Variants in USP32 observed in about 807,000 individuals in gnomAD.
The protein encoded by USP32 is ubiquitin specific peptidase 32, also known as ubiquitin carboxyl-terminal hydrolase 32.
Under a neutral mutation model 204.8 loss-of-function variants are expected in USP32, and 59 were observed. The ratio of observed to expected loss-of-function variants is 0.29; its 90% CI spans 0.23 to 0.36. The LOEUF is 0.36. Among genes scored for constraint, USP32 ranks in the 10% least tolerant of loss-of-function variants. The pLI, the probability that USP32 is intolerant of heterozygous loss-of-function variation, is 1.00. For missense variants in USP32, 1,160 were observed against 1,946.4 expected (o/e 0.60, Z 7.60); for synonymous variants, 517 against 678.4 (o/e 0.76, Z 3.70).
In USP32 at chr17:60,342,874, G is replaced by A. The variant is rs990665338; in HGVS notation, c.186+2607C>T. Among the ~76,000 whole-genome samples the A allele has an allele frequency of 1.4e-4, 21 of 152,308 alleles. No individual in the cohort carries two copies. In the South Asian group the frequency reaches 3.3e-3, roughly 24 times the overall value. On this transcript the variant is annotated intron_variant, in intron 2 of 33. Transcript: ENST00000300896. ...AAAGGGAAATCCCCTAACCCCTTGCGCTTCCTGGGTGAGGCAACGCCCCAC... is the reference window on the plus strand; with the variant it reads ...AAAGGGAAATCCCCTAACCCCTTGCACTTCCTGGGTGAGGCAACGCCCCAC...
chr17:60,209,534 C>T lies in USP32; in HGVS notation c.2434G>A (p.Ala812Thr). ...VAPLKLRWTI[A>T]KYAPRFNGFQ... ...CCATTAAACCTGGGAGCATATTTTG[C>T]TATGGTCCACTATAAATATAAGAGA... The change falls in exon 22 of 34, where the codon GCA becomes ACA. Residue 812 changes from alanine (A) to threonine (T), a missense_variant. Transcript: ENST00000300896. 2 of 1,582,292 alleles carry T rather than the reference C, an allele frequency of 1.3e-6. No homozygotes were observed. Among genetic ancestry groups the T allele is most frequent in the Non-Finnish European group, 8.5e-7 (1 of 1,171,284 alleles).
upstream of USP32, chr17:60,392,357 G>A (rs1036857019): frequency 7.4e-5 from 20 of 270,632 alleles, no homozygotes; most frequent in Admixed American, 1.1e-4. Flanking sequence ...GGAGCGCCGG[G>A]GAGGGGGACG....
chr17:60,310,830 G>A (rs2145917142), intron 2 of USP32, among the ~76,000 whole-genome samples: 1 of 152,212 alleles, frequency 6.6e-6, no homozygotes, highest in East Asian at 1.9e-4. Flanking sequence ...GAGCTCAAGA[G>A]TTTGAAACCA....
chr17:60,234,523 T>C (rs2085665828), intron 12 of USP32, among the ~76,000 whole-genome samples: 1 of 150,884 alleles, frequency 6.6e-6, no homozygotes, highest in South Asian at 2.1e-4. Flanking sequence ...GTCAGGAGAT[T>C]GAGACCATCC....
Position 60,222,438 on chromosome 17 carries a change from A to G in USP32, c.1720T>C (p.Tyr574His). ...CTAGGTAAGGCCAGGTTTGCTCCAT[A>G]CCAGTGATAAAGTGCTCTCCACACA... ...EPVWRALYHW[Y>H]GANLALPRPV... The change falls in exon 15 of 34, where the codon TAT (tyrosine) becomes CAT (histidine). Residue 574 changes from tyrosine to histidine, a missense_variant. By Grantham distance (83) the Tyr-to-His change is moderately conservative (BLOSUM62 2). This residue lies in a region of USP32 where 536 missense variants were observed against 680.9 expected (regional missense o/e 0.79). Transcript: ENST00000300896. 6.2e-7 allele frequency: 1 copy of G among 1,613,994 alleles called. No homozygotes were observed. Among genetic ancestry groups the G allele is most frequent in the Non-Finnish European group, 8.5e-7 (1 of 1,179,972 alleles).
chr17:60,203,902 C>T (rs756838028), intron 26 of USP32, among the ~76,000 whole-genome samples: 3 of 152,070 alleles, frequency 2.0e-5, no homozygotes, highest in Non-Finnish European at 4.4e-5. Context: ...AATTAAGACA[C>T]TAAAGTCCAA....
At chr17:60,387,207 T>C (rs1308497985) in intron 1 of USP32, among the ~76,000 whole-genome samples, 1 of 152,196 alleles carries the variant, frequency 6.6e-6, no homozygotes, top group Non-Finnish European at 1.5e-5. Context: ...TCTAACGAAA[T>C]TTTAAGATTA....
At chr17:60,284,258 G>C (rs1278015302) in intron 5 of USP32, among the ~76,000 whole-genome samples, 2 of 148,144 alleles carry the variant, frequency 1.4e-5, no homozygotes, top group Non-Finnish European at 3.0e-5. Context: ...CTGTCGCCCA[G>C]GCTGGAGTGT....
At chr17:60,366,221 C>T (rs532314899) in intron 1 of USP32, among the ~76,000 whole-genome samples, 39 of 152,024 alleles carry the variant, frequency 2.6e-4, no homozygotes, top group Non-Finnish European at 4.4e-4. Context: ...TGCAGTGGCG[C>T]GATCTCGGCT....
chr17:60,310,149 T>C (rs2087820551), intron 2 of USP32, among the ~76,000 whole-genome samples: 1 of 152,182 alleles, frequency 6.6e-6, no homozygotes, highest in Admixed American at 6.6e-5. Flanking sequence ...GAATGTAAAC[T>C]AGTACAGCCA....
At chr17:60,388,083 A>G (rs2089762786) in intron 1 of USP32, among the ~76,000 whole-genome samples, 1 of 152,116 alleles carries the variant, frequency 6.6e-6, no homozygotes, top group African/African-American at 2.4e-5. Flanking sequence ...CCCAGCCTTC[A>G]GTAAAAATCT....
At chr17:60,367,453 G>C (rs910809555) in intron 1 of USP32, among the ~76,000 whole-genome samples, 10 of 152,108 alleles carry the variant, frequency 6.6e-5, no homozygotes, top group African/African-American at 2.4e-4. Context: ...AGGCTGCAGT[G>C]AGTCCGAATC....
At chr17:60,419,937 G>A (rs1246516073) in intron 1 of USP32, among the ~76,000 whole-genome samples, 1 of 148,052 alleles carries the variant, frequency 6.8e-6, no homozygotes, top group Non-Finnish European at 1.5e-5. Context: ...TTGGCTCACT[G>A]CAACCTCTGC....
chr17:60,368,494 A>C (rs578091813), intron 1 of USP32, among the ~76,000 whole-genome samples: 254 of 152,216 alleles, frequency 1.7e-3, no homozygotes, highest in Admixed American at 3.3e-3. Context: ...CAAACAAAAC[A>C]AGACTACTAG....
rs554036979 is a variant in USP32 at position 60,205,277 on chromosome 17, A to G, written c.3249+170T>C. On this transcript the variant is annotated intron_variant, in intron 26 of 33. Transcript: ENST00000300896. The stretch of plus-strand genomic sequence containing the variant: ...AATGCATTCACAGCAACAGATTTTG[A>G]GGACAGGATAAAAAAGTAAAAAAAT... 2.6e-5 allele frequency among the ~76,000 whole-genome samples: 4 copies of G among 152,382 alleles called. No homozygotes were observed. In the South Asian group the frequency reaches 8.3e-4, roughly 32 times the overall value.
At chr17:60,227,037 C>CAAAAA (rs58720440) in intron 12 of USP32, among the ~76,000 whole-genome samples, 2 of 61,280 alleles carry the variant, frequency 3.3e-5, no homozygotes, top group African/African-American at 5.5e-5. Flanking sequence ...GACTCTGTCT[C>CAAAAA]AAAAAAAAAA....
In USP32 at chr17:60,203,396, C is replaced by CAAAAAAAA. The variant is rs554691150; in HGVS notation, c.3249+2043_3249+2050dup. 3.6e-3 allele frequency among the ~76,000 whole-genome samples: 87 copies of CAAAAAAAA among 24,376 alleles called. 5 individuals are homozygous for CAAAAAAAA. The highest frequency in any genetic ancestry group is 0.011 in the African/African-American group (83 of 7,400). 16.0% of individuals were successfully genotyped at this position (24,376 alleles called of 152,430 possible). A position where few individuals can be genotyped will look rare whatever the true frequency, so the allele number is the denominator to read the frequency against. On this transcript the variant is annotated intron_variant, in intron 26 of 33. Transcript: ENST00000300896. Reference sequence around the variant, plus strand: ...AGCCTGGGCGACAGAGCGAGACTGTCAAAAAAAAAAAAAAAAAAAAAAAAA... The same window carrying CAAAAAAAA: ...AGCCTGGGCGACAGAGCGAGACTGTCAAAAAAAAAAAAAAAAAAAAAAAAAAAAAAAAA...
At chr17:60,372,991 C>A (rs1452618184) in intron 1 of USP32, among the ~76,000 whole-genome samples, 2 of 151,906 alleles carry the variant, frequency 1.3e-5, no homozygotes, top group African/African-American at 4.8e-5. Flanking sequence ...ATAGCGAGGT[C>A]TCTACAAAAC....
intron 12 of USP32, among the ~76,000 whole-genome samples, chr17:60,231,868 AAAGACTGGT>A (rs1249735780): frequency 1.3e-5 from 2 of 152,292 alleles, no homozygotes; most frequent in Non-Finnish European, 2.9e-5. Context: ...TAAAGCGGGG[AAAGACTGGT>A]AAGATTCCAT....
Sources: allele counts gnomAD v4.1 joint callset (sites outside exome capture counted in the v4.1 genomes callset), GRCh38; gene constraint gnomAD v4.1.1; regional missense constraint gnomAD v4.1.1; transcripts MANE v1.5; gene names NCBI Gene and HGNC (gene_info 2026-07-23, HGNC 2026-07-21).